The following PCDHGA1 variants were observed in gnomAD, a reference collection of about 807,000 sequenced individuals.
PCDHGA1 encodes the protein protocadherin gamma subfamily A, 1, also known as protocadherin gamma-A1.
In PCDHGA1, 32 loss-of-function variants were observed where a neutral mutation model predicts 58.0. That is an observed-to-expected ratio of 0.55 (90% CI 0.42 to 0.74). PCDHGA1 has a LOEUF of 0.74. PCDHGA1 is among the 30% of genes least tolerant of loss of function. PCDHGA1 has a pLI of 0.00. For missense variants in PCDHGA1, 1,205 were observed against 1,182.3 expected, an observed-to-expected ratio of 1.02 and a Z score of -0.28; for synonymous variants, 498 against 501.1, an observed-to-expected ratio of 0.99 and a Z score of 0.08.
intron 1 of PCDHGA1, chr5:141,346,065 C>G (rs560931631): frequency 1.2e-6 from 2 of 1,613,640 alleles, no homozygotes; most frequent in South Asian, 2.2e-5. Context: ...CCTGGGCAGC[C>G]TCGAGCCCTC....
Position 141,477,858 on chromosome 5 carries a change from C to T in PCDHGA1, c.2422-16949C>T. 2 of 1,613,572 alleles carry T rather than the reference C, an allele frequency of 1.2e-6. No individual in the cohort carries two copies. Among genetic ancestry groups the T allele is most frequent in the Non-Finnish European group, 1.7e-6 (2 of 1,179,842 alleles). ...GGTGGGAGCTCGGTGGAGATGCTGC[C>T]TCGAGGTACCTCAGCTGGCCACCTA... On this transcript the variant is annotated intron_variant, in intron 1 of 3. Transcript: ENST00000517417. This position sits in a 1 kb window ranked among gnomAD's most constrained non-coding sequence, Gnocchi z 4.9.
intron 1 of PCDHGA1, chr5:141,357,088 C>A (rs530114356): frequency 1.2e-6 from 2 of 1,613,782 alleles, no homozygotes; most frequent in Admixed American, 1.7e-5. Flanking sequence ...GCGCACCGCA[C>A]GGGCCCTGCT....
chr5:141,393,799 G>C lies in PCDHGA1; in HGVS notation c.2421+60694G>C, dbSNP rs2092846945. ...GCCGAAGATGTGGGGGCACTTCTGG[G>C]GAGGACCAAATTGCTCATTTCGGTG... On this transcript the variant is annotated intron_variant, in intron 1 of 3. Transcript: ENST00000517417. 2.5e-6 allele frequency: 4 copies of C among 1,613,802 alleles called. No homozygotes were observed. The highest frequency in any genetic ancestry group is 2.5e-6 in the Non-Finnish European group (3 of 1,179,888).
chr5:141,368,727 T>C (rs1004938919), intron 1 of PCDHGA1, among the ~76,000 whole-genome samples: 9 of 152,250 alleles, frequency 5.9e-5, no homozygotes, highest in Non-Finnish European at 1.2e-4. Context: ...ATGTATGTAC[T>C]GTATATACCA....
chr5:141,423,267 G>A (rs530404769), intron 1 of PCDHGA1: 1 of 1,613,710 alleles, frequency 6.2e-7, no homozygotes, highest in Non-Finnish European at 8.5e-7. Flanking sequence ...GCAGCCTCGA[G>A]TCTCTGGCTA....
intron 1 of PCDHGA1, chr5:141,362,295 G>A (rs1312691474): frequency 1.2e-6 from 2 of 1,614,062 alleles, no homozygotes; most frequent in Non-Finnish European, 1.7e-6. Context: ...TCTCTTCCAG[G>A]TCAGATGCTT....
chr5:141,374,674 G>A, intron 1 of PCDHGA1: 1 of 1,610,698 alleles, frequency 6.2e-7, no homozygotes, highest in Non-Finnish European at 8.5e-7. Flanking sequence ...TGGTGCTGGA[G>A]GGCACACTGG....
chr5:141,363,505 C>T (rs1762954025), intron 1 of PCDHGA1, among the ~76,000 whole-genome samples: 1 of 152,194 alleles, frequency 6.6e-6, no homozygotes, highest in Non-Finnish European at 1.5e-5. Flanking sequence ...AAACCCCATC[C>T]TCCACAGTTA....
intron 1 of PCDHGA1, chr5:141,355,849 G>A (rs375626682): frequency 1.2e-6 from 2 of 1,612,420 alleles, no homozygotes; most frequent in East Asian, 4.5e-5. Context: ...GGCCTTCGAT[G>A]GAGGTGACCC....
intron 1 of PCDHGA1, chr5:141,364,421 A>T (rs1290592441): frequency 1.2e-6 from 2 of 1,613,602 alleles, no homozygotes; most frequent in Admixed American, 3.3e-5. Flanking sequence ...ATCCGGGCAG[A>T]TCCGCTACTC....
chr5:141,417,767 T>G lies in PCDHGA1; in HGVS notation c.2422-77040T>G, dbSNP rs1333916865. 1.3e-5 allele frequency: 19 copies of G among 1,442,000 alleles called. No individual in the cohort carries two copies. The South Asian group carries it at 1.8e-4, about 13-fold the overall frequency. 89.3% of individuals were successfully genotyped at this position (1,442,000 alleles called of 1,614,324 possible). ...GATTGCCAGCTCCGAGACCCGGGAC[T>G]CCTCCTGTCCTGGGCCGAATGCTCT... On this transcript the variant is annotated intron_variant, in intron 1 of 3. Coordinates refer to ENST00000517417, the MANE Select transcript of PCDHGA1 (RefSeq NM_018912.3).
chr5:141,339,208 G>A, intron 1 of PCDHGA1: 1 of 1,614,106 alleles, frequency 6.2e-7, no homozygotes, highest in Non-Finnish European at 8.5e-7. Context: ...CTCTGAACCC[G>A]CGAAGCGGCA....
At chr5:141,408,266 C>G in intron 1 of PCDHGA1, 1 of 1,608,708 alleles carries the variant, frequency 6.2e-7, no homozygotes, top group Non-Finnish European at 8.5e-7. Flanking sequence ...TCCTTTGCTG[C>G]TGCCTTTGTT....
intron 1 of PCDHGA1, chr5:141,398,862 C>T (rs771326288): frequency 1.9e-5 from 31 of 1,613,848 alleles, no homozygotes; most frequent in Non-Finnish European, 2.6e-5. Flanking sequence ...TCAACCGAGA[C>T]GTGTACAGAG....
intron 1 of PCDHGA1, 82 bp from the exon 2 acceptor site, chr5:141,494,725 C>G: frequency 6.2e-7 from 1 of 1,610,026 alleles, no homozygotes; most frequent in East Asian, 2.2e-5. Flanking sequence ...CCCTCCTTCT[C>G]TCCCGGCCCA....
In PCDHGA1 at chr5:141,486,858, C is replaced by T. The variant is rs2099636039; in HGVS notation, c.2422-7949C>T. The T allele has an allele frequency of 2.5e-6, 4 of 1,614,246 alleles. No homozygotes were observed. The highest frequency in any genetic ancestry group is 1.1e-5 in the South Asian group (1 of 91,088). On this transcript the variant is annotated intron_variant, in intron 1 of 3. Transcript: ENST00000517417. The surrounding 1 kb of genome is among the most constrained non-coding windows in gnomAD (Gnocchi z 5.0). ...TTTGTGCTGGACCTCAATGACAATGCTCCAGCTGTGCTCCGTCCTCGGGCC... is the reference window on the plus strand; with the variant it reads ...TTTGTGCTGGACCTCAATGACAATGTTCCAGCTGTGCTCCGTCCTCGGGCC...
chr5:141,500,384 T>C (rs956708207), intron 2 of PCDHGA1, among the ~76,000 whole-genome samples: 1 of 151,894 alleles, frequency 6.6e-6, no homozygotes, highest in African/African-American at 2.4e-5. Context: ...AATTATTTTG[T>C]ATTTTTAGTA....
At chr5:141,435,010 G>A (rs2097736933) in intron 1 of PCDHGA1, among the ~76,000 whole-genome samples, 1 of 151,950 alleles carries the variant, frequency 6.6e-6, no homozygotes, top group Non-Finnish European at 1.5e-5. Flanking sequence ...ATTTATCAAT[G>A]ATAATGCTCT....
chr5:141,419,715 TG>T (rs754309862), intron 1 of PCDHGA1: 1 of 1,613,288 alleles, frequency 6.2e-7, no homozygotes, highest in South Asian at 1.1e-5. Flanking sequence ...CTCTTCAGCC[TG>T]GGGCTGCGAA....
Sources: gnomAD v4.1 joint callset for allele counts (sites outside exome capture counted in the v4.1 genomes callset) on GRCh38, gnomAD v4.1.1 for gene constraint, Gnocchi (gnomAD v3.1) non-coding constraint, MANE v1.5 for transcripts, NCBI Gene and HGNC (gene_info 2026-07-23, HGNC 2026-07-21) for gene names.